CD8B: variants seen among roughly 807,000 people sequenced by gnomAD.
The protein encoded by CD8B is CD8 subunit beta, also known as T-cell surface glycoprotein CD8 beta chain.
A neutral mutation model predicts 24.2 loss-of-function variants in CD8B; 6 were observed. The observed-to-expected ratio is 0.25, with a 90% CI of 0.14 to 0.49. The LOEUF (loss-of-function observed/expected upper bound fraction) is 0.49, where lower values mean the gene tolerates loss of function less well. Ranked by LOEUF, CD8B falls within the 20% of genes least tolerant of loss-of-function variation. The pLI, the probability that CD8B is intolerant of heterozygous loss-of-function variation, is 0.98. For synonymous variants in CD8B, 84 were observed against 108.3 expected (o/e 0.78, Z 1.39); for missense variants, 196 against 271.3 (o/e 0.72, Z 1.95).
At chr2:86,851,647 G>A (rs1277041051) in intron 3 of CD8B, among the ~76,000 whole-genome samples, 1 of 152,172 alleles carries the variant, frequency 6.6e-6, no homozygotes, top group Non-Finnish European at 1.5e-5. Flanking sequence ...AAATATTTAA[G>A]ACAAAGCAAA....
At chr2:86,824,003 G>A (rs936177612) in intron 5 of CD8B, among the ~76,000 whole-genome samples, 2 of 151,726 alleles carry the variant, frequency 1.3e-5, no homozygotes, top group African/African-American at 4.8e-5. Context: ...GTGTGTGTGT[G>A]TGTGTATGCT....
intron 5 of CD8B, among the ~76,000 whole-genome samples, chr2:86,820,044 G>A (rs550211816): frequency 2.0e-5 from 3 of 152,342 alleles, no homozygotes; most frequent in South Asian, 2.1e-4. Context: ...GTCTGAAGAC[G>A]TGGCTGAATT....
intron 5 of CD8B, among the ~76,000 whole-genome samples, chr2:86,826,575 C>T (rs115391455): frequency 9.9e-5 from 15 of 152,258 alleles, no homozygotes; most frequent in African/African-American, 2.6e-4. Flanking sequence ...AGAACCCTAA[C>T]GACCATCTTA....
intron 1 of CD8B, 77 bp downstream of exon 1, chr2:86,861,746 A>C (rs1056195654): frequency 1.3e-5 from 15 of 1,111,776 alleles, no homozygotes; most frequent in Non-Finnish European, 1.7e-5. Flanking sequence ...GACCAGGGCC[A>C]GGACAGCCAC....
intron 5 of CD8B, chr2:86,832,948 TCCTCCCCTCCCCTCTCCTCC>T (rs1573498882): frequency 1.2e-4 from 12 of 102,942 alleles, no homozygotes; most frequent in Middle Eastern, 4.3e-3. Context: ...TCCTCCCCTC[TCCTCCCCTCCCCTCTCCTCC>T]CCTCCCCTCC....
At chr2:86,851,952 C>T (rs1295943954) in intron 3 of CD8B, among the ~76,000 whole-genome samples, 2 of 152,104 alleles carry the variant, frequency 1.3e-5, no homozygotes, top group African/African-American at 4.8e-5. Flanking sequence ...TGTATTAGGT[C>T]CTCTGTTAGG....
At chr2:86,822,687 TGTATTACTGCA>T (rs1382857488) in intron 5 of CD8B, among the ~76,000 whole-genome samples, 2 of 152,354 alleles carry the variant, frequency 1.3e-5, no homozygotes, top group Middle Eastern at 3.4e-3. Context: ...TTTTGCAATG[TGTATTACTGCA>T]GTTATATCAC....
In CD8B at chr2:86,842,089, G is replaced by C; in HGVS notation, c.*218C>G. ...AGCACACTCTGTGAAGTGCCCTGGG[G>C]GCAATGAAACCTTCTCCCTAGTATT... On this transcript the variant is annotated 3_prime_UTR_variant, in exon 6 of 6. Transcript: ENST00000390655. 7.4e-7 allele frequency: 1 copy of C among 1,349,612 alleles called. No individual in the cohort carries two copies. The highest frequency in any genetic ancestry group is 9.6e-7 in the Non-Finnish European group (1 of 1,046,718). The allele number at this position is 1,349,612 out of a possible 1,614,324, so 83.6% of individuals were successfully genotyped here.
rs369409124 is a variant in CD8B, at chr2:86,844,979, C to T, written c.584-21G>A. ...CCGGCCTGGAAGAGGAAAGCAAGGG[C>T]GCCAGTCAGTGTGGGCTGTGGGTCA... On this transcript the variant is annotated intron_variant, in intron 4 of 5. Transcript: ENST00000390655. 47 of 1,556,778 alleles carry T rather than the reference C, an allele frequency of 3.0e-5. 1 individual carries two copies. Among genetic ancestry groups the T allele is most frequent in the Admixed American group, 1.7e-4 (9 of 51,618 alleles).
intron 5 of CD8B, among the ~76,000 whole-genome samples, chr2:86,816,488 A>AG (rs951619291): frequency 2.6e-5 from 4 of 152,270 alleles, no homozygotes; most frequent in African/African-American, 4.8e-5. Context: ...CTGAAGGGTA[A>AG]GGGGGGGACC....
chr2:86,834,926 ACT>A (rs1385513264), downstream of CD8B, among the ~76,000 whole-genome samples: 1 of 125,550 alleles, frequency 8.0e-6, no homozygotes, highest in Non-Finnish European at 1.6e-5. Flanking sequence ...ACAGAGCAAA[ACT>A]CTGTCTCAAA....
intron 2 of CD8B, among the ~76,000 whole-genome samples, chr2:86,857,827 T>TAA (rs1676348748): frequency 1.3e-5 from 2 of 152,194 alleles, no homozygotes; most frequent in South Asian, 4.1e-4. Flanking sequence ...AGTGGTTAGG[T>TAA]AATAGACCTA....
chr2:86,833,430 T>C (rs1675007350), downstream of CD8B, among the ~76,000 whole-genome samples: 1 of 148,922 alleles, frequency 6.7e-6, no homozygotes, highest in Non-Finnish European at 1.5e-5. Context: ...TGGCCCACCT[T>C]GGCCTCCCGA....
chr2:86,853,893 C>G (rs1676100645), intron 2 of CD8B, among the ~76,000 whole-genome samples: 1 of 151,972 alleles, frequency 6.6e-6, no homozygotes, highest in Non-Finnish European at 1.5e-5. Context: ...CGTCGTGCCA[C>G]TGCATTCGTC....
At chr2:86,824,614 C>A (rs756107501) in intron 5 of CD8B, among the ~76,000 whole-genome samples, 27 of 152,090 alleles carry the variant, frequency 1.8e-4, no homozygotes, top group Non-Finnish European at 4.0e-4. Context: ...TTCATCAGTG[C>A]CCTGGGTCAG....
intron 5 of CD8B, among the ~76,000 whole-genome samples, chr2:86,822,758 A>T (rs1674528699): frequency 6.6e-6 from 1 of 152,198 alleles, no homozygotes; most frequent in South Asian, 2.1e-4. Context: ...CCCAGAGAGC[A>T]ATGTTCAGTG....
chr2:86,818,448 G>T (rs182709504), intron 5 of CD8B, among the ~76,000 whole-genome samples: 5 of 152,256 alleles, frequency 3.3e-5, no homozygotes, highest in Non-Finnish European at 7.4e-5. Flanking sequence ...AGCATGTGTT[G>T]ACTTTGTGCC....
intron 5 of CD8B, among the ~76,000 whole-genome samples, chr2:86,842,643 T>A (rs574418376): frequency 6.6e-6 from 1 of 152,256 alleles, no homozygotes; most frequent in East Asian, 1.9e-4. Flanking sequence ...ATGGGATGAT[T>A]TTCTAAGGAC....
chr2:86,816,512 A>G (rs1268176544), intron 5 of CD8B, among the ~76,000 whole-genome samples: 1 of 152,214 alleles, frequency 6.6e-6, no homozygotes, highest in Non-Finnish European at 1.5e-5. Flanking sequence ...TATTCCACAT[A>G]TCATGATTTA....
Sources: allele counts gnomAD v4.1 joint callset (sites outside exome capture counted in the v4.1 genomes callset), GRCh38; gene constraint gnomAD v4.1.1; transcripts MANE v1.5; gene names NCBI Gene and HGNC (gene_info 2026-07-23, HGNC 2026-07-21).